The following URI1 variants were observed in gnomAD, a reference collection of about 807,000 sequenced individuals.
The protein encoded by URI1 is URI1 prefoldin like chaperone, also known as unconventional prefoldin RPB5 interactor 1.
URI1 carries 39 observed loss-of-function variants against 60.2 expected under a neutral mutation model. That is an observed-to-expected ratio of 0.65 (90% confidence interval 0.50 to 0.85). The LOEUF (loss-of-function observed/expected upper bound fraction) is 0.85. Among genes scored for constraint, URI1 ranks in the 40% least tolerant of loss-of-function variants. The pLI is 0.00. For missense variants in URI1, 691 were observed against 665.9 expected (o/e 1.04, Z -0.42); for synonymous variants, 251 against 236.8 (o/e 1.06, Z -0.55).
intron 1 of URI1, among the ~76,000 whole-genome samples, chr19:29,927,932 A>C (rs1173208510): frequency 6.6e-6 from 1 of 151,842 alleles, no homozygotes; most frequent in Non-Finnish European, 1.5e-5. Context: ...GATGAGTAGA[A>C]TGTGGCTGAA....
chr19:30,015,336 ATTAC>A lies in URI1; in HGVS notation c.*270_*273del, dbSNP rs2056073263. 8 of 1,416,088 alleles carry A rather than the reference ATTAC, an allele frequency of 5.6e-6. No individual in the cohort carries two copies. Among genetic ancestry groups the A allele is most frequent in the Non-Finnish European group, 7.3e-6 (8 of 1,091,866 alleles). The allele number at this position is 1,416,088 out of a possible 1,614,324, so 87.7% of individuals were successfully genotyped here. A position where few individuals can be genotyped will look rare whatever the true frequency, so the allele number is the denominator to read the frequency against. ...TTATGATGCAGTGGCAGCATTTTGAATTACTTTTCAAAGAATACTGTTCATATGC... is the reference window on the plus strand; with the variant it reads ...TTATGATGCAGTGGCAGCATTTTGAATTTTCAAAGAATACTGTTCATATGC... On this transcript the variant is annotated 3_prime_UTR_variant, in exon 11 of 11. Transcript: ENST00000392271.
chr19:30,005,401 A>G lies in URI1; in HGVS notation c.408A>G (p.Lys136=), dbSNP rs1446643140. The change falls in exon 5 of 11, where the codon AAA becomes AAG. Residue 136 remains lysine, a synonymous_variant. Coordinates refer to ENST00000392271, the MANE Select transcript of URI1 (RefSeq NM_003796.3). ...KTIDDLKKVM[K]NFESRVEFTE... ...TAGATGACTTAAAAAAAGTGATGAA[A>G]AATTTTGAATCCAGAGTTGAATTCA... is the stretch of plus-strand genomic sequence containing the variant. 6.2e-7 allele frequency: 1 copy of G among 1,604,414 alleles called. No homozygotes were observed. The highest frequency in any genetic ancestry group is 1.1e-5 in the South Asian group (1 of 88,812).
intron 1 of URI1, among the ~76,000 whole-genome samples, chr19:29,969,417 A>T (rs754602889): frequency 5.9e-5 from 9 of 152,194 alleles, no homozygotes; most frequent in Non-Finnish European, 1.3e-4. Context: ...CATATTTACT[A>T]ATTAAAAAGG....
rs920032713 is a variant in URI1 at position 30,015,215 on chromosome 19, A to G, written c.*146A>G. On this transcript the variant is annotated 3_prime_UTR_variant, in exon 11 of 11. Coordinates refer to ENST00000392271, the MANE Select transcript of URI1 (RefSeq NM_003796.3). ...AAGTTCTTTTACCCTTACCCGTGGT[A>G]TTTGAAAAAAATCAAGGTAACTGTC... is the stretch of plus-strand genomic sequence containing the variant. The G allele has an allele frequency of 4.4e-5, 62 of 1,423,994 alleles. No homozygotes were observed. The highest frequency in any genetic ancestry group is 5.6e-5 in the Non-Finnish European group (61 of 1,092,170). 88.2% of individuals were successfully genotyped at this position (1,423,994 alleles called of 1,614,324 possible).
At position 30,015,065 on chromosome 19, in the gene URI1, A is replaced by T; in HGVS notation, c.1604A>T (p.Asp535Val). Reference sequence around the variant, plus strand: ...AAAGCTGCCAGATTGCAACAGAAAGACTAGGCCCTGTCTAGGAAATGGGAA... The same window carrying T: ...AAAGCTGCCAGATTGCAACAGAAAGTCTAGGCCCTGTCTAGGAAATGGGAA... Reference protein sequence around the residue: ...KFKAARLQQKD With the variant: ...KFKAARLQQKV The change falls in exon 11 of 11, where the codon GAC becomes GTC. Residue 535 changes from aspartate (D) to valine (V), a missense_variant. Coordinates refer to ENST00000392271, the MANE Select transcript of URI1 (RefSeq NM_003796.3). 1.2e-6 allele frequency: 2 copies of T among 1,612,600 alleles called. No homozygotes were observed. Among genetic ancestry groups the T allele is most frequent in the Non-Finnish European group, 1.7e-6 (2 of 1,179,342 alleles).
chr19:30,012,543 T>G lies in URI1; in HGVS notation c.1425+12T>G. Reference sequence around the variant, plus strand: ...CAGTAACACCTGAGGTGTGTGTGTGTATCTTTTAATTCTTTATTTCATATA... The same window carrying G: ...CAGTAACACCTGAGGTGTGTGTGTGGATCTTTTAATTCTTTATTTCATATA... On this transcript the variant is annotated intron_variant, in intron 10 of 10. Transcript: ENST00000392271. 27 of 1,610,594 alleles carry G rather than the reference T, an allele frequency of 1.7e-5. No homozygotes were observed. The highest frequency in any genetic ancestry group is 2.3e-5 in the Non-Finnish European group (27 of 1,178,392).
intron 1 of URI1, among the ~76,000 whole-genome samples, chr19:29,960,507 A>G (rs890534397): frequency 6.6e-6 from 1 of 151,992 alleles, no homozygotes; most frequent in Non-Finnish European, 1.5e-5. Flanking sequence ...TGACCTTTTC[A>G]CCATTCTGAG....
At position 30,012,501 on chromosome 19, in the gene URI1, G is replaced by C. The variant is rs2056035326; in HGVS notation, c.1395G>C (p.Lys465Asn). ...ILEEEPQENQ[K>N]KLLPLSVTPE... ...AAGAGGAACCACAAGAAAATCAAAAGAAACTTTTGCCCTTATCAGTAACAC... is the reference window on the plus strand; with the variant it reads ...AAGAGGAACCACAAGAAAATCAAAACAAACTTTTGCCCTTATCAGTAACAC... Residue 465 changes from lysine to asparagine, a missense_variant, in exon 10 of 11, where the codon AAG (lysine) becomes AAC (asparagine). Transcript: ENST00000392271. 2.5e-6 allele frequency: 4 copies of C among 1,614,012 alleles called. No homozygotes were observed. The highest frequency in any genetic ancestry group is 3.4e-6 in the Non-Finnish European group (4 of 1,179,986).
In URI1 at chr19:30,016,066, C is replaced by T. The variant is rs187336847; in HGVS notation, c.*997C>T. ...TAGCTTGATGCATGCTAAAATGTAG[C>T]TTTTAAAAAGCATTCTGCATTAGTA... is the stretch of plus-strand genomic sequence containing the variant. On this transcript the variant is annotated 3_prime_UTR_variant, in exon 11 of 11. Transcript: ENST00000392271. 1.3e-5 allele frequency: 2 copies of T among 152,750 alleles called. No individual in the cohort carries two copies. Among genetic ancestry groups the T allele is most frequent in the East Asian group, 3.8e-4 (2 of 5,200 alleles). The allele number at this position is 152,750 out of a possible 1,614,324, so 9.5% of individuals were successfully genotyped here. A position where few individuals can be genotyped will look rare whatever the true frequency, so the allele number is the denominator to read the frequency against.
intron 4 of URI1, among the ~76,000 whole-genome samples, chr19:29,988,039 G>T (rs1338681196): frequency 6.6e-6 from 1 of 151,904 alleles, no homozygotes; most frequent in Non-Finnish European, 1.5e-5. Context: ...GTGGTGGTGT[G>T]TGCCTGTAGT....
chr19:29,995,318 A>G (rs1412621112), intron 4 of URI1, among the ~76,000 whole-genome samples: 1 of 152,056 alleles, frequency 6.6e-6, no homozygotes, highest in Non-Finnish European at 1.5e-5. Flanking sequence ...TTCTTCAGTG[A>G]TTAATTATGT....
At chr19:29,968,923 T>TA (rs888315321) in intron 1 of URI1, among the ~76,000 whole-genome samples, 50 of 146,266 alleles carry the variant, frequency 3.4e-4, no homozygotes, top group East Asian at 4.0e-4. Flanking sequence ...AGAAGACAAC[T>TA]AAAAAAAAAA....
In URI1 at chr19:29,984,129, T is replaced by C. The variant is rs185993672; in HGVS notation, c.153-1094T>C. On this transcript the variant is annotated intron_variant, in intron 2 of 10. Transcript: ENST00000392271. Reference sequence around the variant, plus strand: ...GTATCTATTCACTCAAAAGCTTTATTAAATCTCTTCTTTCGGCCGGGTGTG... The same window carrying C: ...GTATCTATTCACTCAAAAGCTTTATCAAATCTCTTCTTTCGGCCGGGTGTG... Among the ~76,000 whole-genome samples, 574 of 152,294 alleles carry C rather than the reference T, an allele frequency of 3.8e-3. 3 individuals carry two copies. Among genetic ancestry groups the C allele is most frequent in the African/African-American group, 0.013 (560 of 41,556 alleles).
At chr19:29,957,208 C>T (rs1224276689) in intron 1 of URI1, among the ~76,000 whole-genome samples, 3 of 151,934 alleles carry the variant, frequency 2.0e-5, no homozygotes, top group African/African-American at 7.3e-5. Flanking sequence ...ATGTATTAAT[C>T]ATAAAGTCTA....
At position 29,942,537 on chromosome 19, in the gene URI1, G is replaced by C. The variant is rs2055041599; in HGVS notation, c.-11G>C. 2 of 1,394,252 alleles carry C rather than the reference G, an allele frequency of 1.4e-6. No individual in the cohort carries two copies. 86.4% of individuals were successfully genotyped at this position (1,394,252 alleles called of 1,614,324 possible). A position where few individuals can be genotyped will look rare whatever the true frequency, so the allele number is the denominator to read the frequency against. ...GGACTCACACGCCGCGCTGAGGCCC[G>C]CGGGCCCGTCATGGAGGCGCCCACC... On this transcript the variant is annotated 5_prime_UTR_variant, in exon 1 of 11. Transcript: ENST00000392271.
In URI1 at chr19:29,959,413, G is replaced by A. The variant is rs1306819447; in HGVS notation, c.118-11780G>A. Among the ~76,000 whole-genome samples the A allele has an allele frequency of 2.0e-5, 3 of 152,206 alleles. No homozygotes were observed. The East Asian group carries it at 5.8e-4, about 29-fold the overall frequency. Reference sequence around the variant, plus strand: ...AAAATGATGGACTACAGGCTAGTCAGCCACTGTGCCTGGCTCGTACTGTTT... The same window carrying A: ...AAAATGATGGACTACAGGCTAGTCAACCACTGTGCCTGGCTCGTACTGTTT... On this transcript the variant is annotated intron_variant, in intron 1 of 10. Transcript: ENST00000392271.
At position 30,011,213 on chromosome 19, in the gene URI1, C is replaced by T. The variant is rs1416004492; in HGVS notation, c.1155C>T (p.Ile385=). 3 of 1,610,868 alleles carry T rather than the reference C, an allele frequency of 1.9e-6. No individual in the cohort carries two copies. Among genetic ancestry groups the T allele is most frequent in the Non-Finnish European group, 2.5e-6 (3 of 1,179,016 alleles). ...SGHSAQELPT[I]RTPADIYRAF... ...ACTCTGCCCAGGAGCTGCCGACCAT[C>T]AGGACGCCTGCAGACATTTACAGGT... Residue 385 remains isoleucine (I), a synonymous_variant, in exon 9 of 11, where the codon ATC becomes ATT. Transcript: ENST00000392271.
At chr19:29,930,605 C>T (rs368021967) in intron 1 of URI1, among the ~76,000 whole-genome samples, 23 of 151,970 alleles carry the variant, frequency 1.5e-4, no homozygotes, top group African/African-American at 4.8e-4. Flanking sequence ...TTGAAATTCT[C>T]GTCAAAAATC....
At chr19:29,967,278 A>G (rs1277012900) in intron 1 of URI1, among the ~76,000 whole-genome samples, 1 of 152,224 alleles carries the variant, frequency 6.6e-6, no homozygotes, top group Admixed American at 6.5e-5. Context: ...GTGGACACTA[A>G]TGAACAGAAA....
Sources: allele counts gnomAD v4.1 joint callset (sites outside exome capture counted in the v4.1 genomes callset), GRCh38; gene constraint gnomAD v4.1.1; transcripts MANE v1.5; gene names NCBI Gene and HGNC (gene_info 2026-07-23, HGNC 2026-07-21).